The following KHDRBS2 variants were observed in gnomAD, a reference collection of about 807,000 sequenced individuals.
KHDRBS2 encodes KH RNA binding domain containing, signal transduction associated 2.
A neutral mutation model predicts 44.3 loss-of-function variants in KHDRBS2; 26 were observed. The observed-to-expected ratio is 0.59, with a 90% CI of 0.43 to 0.81. The LOEUF is 0.81. Among genes scored for constraint, KHDRBS2 ranks in the 40% least tolerant of loss-of-function variants. KHDRBS2 has a pLI of 0.00. For synonymous variants in KHDRBS2, 194 were observed against 151.1 expected (o/e 1.28, Z -2.08); for missense variants, 476 against 433.1 (o/e 1.10, Z -0.88).
intron 3 of KHDRBS2, among the ~76,000 whole-genome samples, chr6:61,983,242 T>TCTTTCTTTTC (rs1357374587): frequency 1.5e-5 from 2 of 137,424 alleles, no homozygotes; most frequent in Admixed American, 1.5e-4. Flanking sequence ...CTTTCTTTTT[T>TCTTTCTTTTC]TTTTTTTTTT....
chr6:61,893,179 C>T (rs930882982), intron 6 of KHDRBS2, among the ~76,000 whole-genome samples: 7 of 152,198 alleles, frequency 4.6e-5, no homozygotes, highest in Non-Finnish European at 8.8e-5. Context: ...CAAGGAAACG[C>T]AAATCAAAAC....
intron 1 of KHDRBS2, among the ~76,000 whole-genome samples, chr6:62,242,350 C>A (rs1211950288): frequency 6.6e-6 from 1 of 152,222 alleles, no homozygotes; most frequent in East Asian, 1.9e-4. Context: ...ATAAAAGATA[C>A]ATTTTTGAGC....
chr6:62,080,855 T>C (rs1797253953), intron 2 of KHDRBS2, among the ~76,000 whole-genome samples: 1 of 152,068 alleles, frequency 6.6e-6, no homozygotes, highest in African/African-American at 2.4e-5. Context: ...TTGCTGCATC[T>C]TGGTTTGGCA....
In KHDRBS2 at chr6:62,250,729, G is replaced by A. The variant is rs185986982; in HGVS notation, c.91+35129C>T. On this transcript the variant is annotated intron_variant, in intron 1 of 8. Transcript: ENST00000281156. ...TCTAGGAGAAACTAGATATTTTCAC[G>A]GTATTGAAGCGTCTCATCACAGACT... 2.1e-4 allele frequency among the ~76,000 whole-genome samples: 32 copies of A among 151,910 alleles called. No individual in the cohort carries two copies. The East Asian group carries it at 4.5e-3, about 21-fold the overall frequency.
At chr6:61,547,210 T>G in the KHDRBS2 span, among the ~76,000 whole-genome samples, 36 of 152,126 alleles carry the variant, frequency 2.4e-4, no homozygotes, top group Non-Finnish European at 4.9e-4. Flanking sequence ...CAATGTTGAA[T>G]CAAACAACGT....
At chr6:61,550,290 G>C in the KHDRBS2 span, among the ~76,000 whole-genome samples, 1 of 152,076 alleles carries the variant, frequency 6.6e-6, no homozygotes, top group Non-Finnish European at 1.5e-5. Context: ...TAGTGAGAAC[G>C]TGTGGTATTT....
At chr6:61,773,294 C>T in intron 6 of KHDRBS2, among the ~76,000 whole-genome samples, 1 of 152,256 alleles carries the variant, frequency 6.6e-6, no homozygotes, top group South Asian at 2.1e-4. Flanking sequence ...ACATCCTCTC[C>T]AGCACCTGTT....
At chr6:61,571,556 A>G in the KHDRBS2 span, among the ~76,000 whole-genome samples, 1 of 152,116 alleles carries the variant, frequency 6.6e-6, no homozygotes, top group African/African-American at 2.4e-5. Context: ...CCCTAGAAAA[A>G]AATGGACTTA....
chr6:61,558,655 C>G, the KHDRBS2 span, among the ~76,000 whole-genome samples: 1 of 152,244 alleles, frequency 6.6e-6, no homozygotes, highest in South Asian at 2.1e-4. Context: ...TCAAGTTTCT[C>G]CTTAATTTCT....
At chr6:62,080,567 C>T (rs916493919) in intron 2 of KHDRBS2, among the ~76,000 whole-genome samples, 5 of 152,058 alleles carry the variant, frequency 3.3e-5, no homozygotes, top group Admixed American at 2.0e-4. Context: ...AAAATCTGAG[C>T]AGTGATGTGA....
chr6:62,200,154 C>A (rs927467790), intron 1 of KHDRBS2, among the ~76,000 whole-genome samples: 1 of 152,102 alleles, frequency 6.6e-6, no homozygotes, highest in Admixed American at 6.6e-5. Context: ...CTAGGCAATA[C>A]CACTCAGGAC....
rs70993194 is a variant in KHDRBS2, at chr6:62,026,438, A to AT, written c.336+21439dup. Among the ~76,000 whole-genome samples the AT allele has an allele frequency of 1.8e-3, 270 of 146,142 alleles. 2 individuals are homozygous for AT. Among genetic ancestry groups the AT allele is most frequent in the Middle Eastern group, 3.6e-3 (1 of 276 alleles). On this transcript the variant is annotated intron_variant, in intron 3 of 8. Coordinates refer to ENST00000281156, the MANE Select transcript of KHDRBS2 (RefSeq NM_152688.4). ...TTTATTTATTATTATTATTATTATT[A>AT]TTTTTTTTTTTGGAGAAAAGGTCTC...
the KHDRBS2 span, among the ~76,000 whole-genome samples, chr6:61,574,895 C>A: frequency 6.6e-6 from 1 of 151,858 alleles, no homozygotes; most frequent in Non-Finnish European, 1.5e-5. Context: ...GCAACAAGGG[C>A]GAAATACCAT....
At chr6:62,107,297 T>C (rs990349893) in intron 2 of KHDRBS2, among the ~76,000 whole-genome samples, 4 of 152,058 alleles carry the variant, frequency 2.6e-5, no homozygotes, top group Non-Finnish European at 5.9e-5. Flanking sequence ...TATACACCAA[T>C]AACAGACAAA....
chr6:62,114,844 T>G (rs1214213532), intron 2 of KHDRBS2, among the ~76,000 whole-genome samples: 1 of 152,102 alleles, frequency 6.6e-6, no homozygotes, highest in Non-Finnish European at 1.5e-5. Flanking sequence ...AATAAATGCA[T>G]GTTGATTACA....
At chr6:62,282,002 G>A (rs956634700) in intron 1 of KHDRBS2, among the ~76,000 whole-genome samples, 1 of 152,092 alleles carries the variant, frequency 6.6e-6, no homozygotes, top group African/African-American at 2.4e-5. Context: ...GGGAGAAAAA[G>A]GTGATTACGT....
intron 8 of KHDRBS2, among the ~76,000 whole-genome samples, chr6:61,683,060 A>G (rs1267644383): frequency 6.6e-6 from 1 of 151,886 alleles, no homozygotes; most frequent in Non-Finnish European, 1.5e-5. Context: ...AGAGTGTTAG[A>G]AATCCCTGGG....
intron 1 of KHDRBS2, among the ~76,000 whole-genome samples, chr6:62,185,203 G>A (rs535520724): frequency 1.4e-4 from 22 of 152,012 alleles, no homozygotes; most frequent in African/African-American, 5.3e-4. Context: ...CCTCTTAGCA[G>A]GAAGTTTATT....
intron 4 of KHDRBS2, among the ~76,000 whole-genome samples, chr6:61,955,457 T>TAC (rs766779045): frequency 2.5e-5 from 3 of 117,856 alleles, no homozygotes; most frequent in African/African-American, 6.8e-5. Context: ...TGTGTATATA[T>TAC]ACATATGTGT....
Sources: allele counts gnomAD v4.1 joint callset (sites outside exome capture counted in the v4.1 genomes callset), GRCh38; gene constraint gnomAD v4.1.1; transcripts MANE v1.5; gene names NCBI Gene and HGNC (gene_info 2026-07-23, HGNC 2026-07-21).